Variants in FMNL3 observed in about 807,000 individuals in gnomAD.
FMNL3 encodes formin-like protein 3.
Under a neutral mutation model 119.6 loss-of-function variants are expected in FMNL3, and 57 were observed. That is an observed-to-expected ratio of 0.48 (90% CI 0.39 to 0.59). The LOEUF (loss-of-function observed/expected upper bound fraction) is 0.59. Ranked by LOEUF, FMNL3 falls within the 20% of genes least tolerant of loss-of-function variation. The pLI is 0.00. For missense variants in FMNL3, 1,053 were observed against 1,323.5 expected (o/e 0.80, Z 3.17); for synonymous variants, 491 against 507.3 (o/e 0.97, Z 0.43).
At chr12:49,674,170 C>A (rs953373066) in intron 1 of FMNL3, among the ~76,000 whole-genome samples, 17 of 152,242 alleles carry the variant, frequency 1.1e-4, no homozygotes, top group African/African-American at 3.6e-4. Flanking sequence ...CCATCCTCCT[C>A]TCCAGAGCTC....
At chr12:49,697,994 C>G (rs1479777676) in intron 1 of FMNL3, among the ~76,000 whole-genome samples, 1 of 152,138 alleles carries the variant, frequency 6.6e-6, no homozygotes, top group Non-Finnish European at 1.5e-5. Context: ...TTGACTGGCT[C>G]CCCAGCTTCT....
At position 49,644,328 on chromosome 12, in the gene FMNL3, T is replaced by C. The variant is rs1480692707; in HGVS notation, c.*1487A>G. The C allele has an allele frequency of 3.1e-6, 3 of 972,770 alleles. No individual in the cohort carries two copies. The highest frequency in any genetic ancestry group is 4.7e-6 in the Non-Finnish European group (3 of 638,170). 60.3% of individuals were successfully genotyped at this position (972,770 alleles called of 1,614,324 possible). ...AAGTAACCCCACCCCCAGCACACCATTGTTGGCACCTCTCAAGGTTGCTCT... is the reference window on the plus strand; with the variant it reads ...AAGTAACCCCACCCCCAGCACACCACTGTTGGCACCTCTCAAGGTTGCTCT... On this transcript the variant is annotated 3_prime_UTR_variant, in exon 26 of 26. Coordinates refer to ENST00000335154, the MANE Select transcript of FMNL3 (RefSeq NM_175736.5).
chr12:49,663,865 G>A (rs1485592126), intron 4 of FMNL3, among the ~76,000 whole-genome samples: 2 of 152,206 alleles, frequency 1.3e-5, no homozygotes, highest in African/African-American at 4.8e-5. Flanking sequence ...GGTACTAGTG[G>A]CTCCACTTTG....
At chr12:49,705,677 T>C (rs1468823322) in intron 1 of FMNL3, among the ~76,000 whole-genome samples, 3 of 152,156 alleles carry the variant, frequency 2.0e-5, no homozygotes, top group Non-Finnish European at 4.4e-5. Flanking sequence ...TGGTAATCAC[T>C]GACTCACCCG....
chr12:49,646,773 C>T (rs747812115), intron 25 of FMNL3, 113 bp downstream of exon 25: 1 of 1,604,170 alleles, frequency 6.2e-7, no homozygotes, highest in Non-Finnish European at 8.5e-7. Flanking sequence ...AGGAGAGAGA[C>T]ACAGTGGTCA....
At chr12:49,701,868 A>T (rs1266343650) in intron 1 of FMNL3, among the ~76,000 whole-genome samples, 1 of 152,238 alleles carries the variant, frequency 6.6e-6, no homozygotes, top group African/African-American at 2.4e-5. Context: ...GGTTGCAGTG[A>T]GCAGAGATTG....
At chr12:49,674,974 A>G (rs942164027) in intron 1 of FMNL3, among the ~76,000 whole-genome samples, 7 of 152,220 alleles carry the variant, frequency 4.6e-5, no homozygotes, top group African/African-American at 1.7e-4. Flanking sequence ...GGCTTTTTCT[A>G]AATACAATTA....
At chr12:49,662,071 T>C in intron 4 of FMNL3, 22 bp from the exon 5 acceptor site, 3 of 1,612,840 alleles carry the variant, frequency 1.9e-6, no homozygotes, top group Middle Eastern at 1.7e-4. Context: ...GGAAACACAG[T>C]GGAAGGGGTC....
Position 49,643,330 on chromosome 12 carries a change from T to C in FMNL3, c.*2485A>G, listed in dbSNP as rs757816284. ...GCTCTGAGCCCTCTTCCTCACTTGA[T>C]TCAGTTGAAAGTGGGGGTGCTGCCC... On this transcript the variant is annotated 3_prime_UTR_variant, in exon 26 of 26. Transcript: ENST00000335154. The C allele has an allele frequency of 1.9e-6, 3 of 1,607,674 alleles. No homozygotes were observed. In the African/African-American group the frequency reaches 4.0e-5, roughly 22 times the overall value.
In FMNL3 at chr12:49,647,586, C is replaced by G; in HGVS notation, c.2778+117G>C. On this transcript the variant is annotated intron_variant, in intron 23 of 25. Coordinates refer to ENST00000335154, the MANE Select transcript of FMNL3 (RefSeq NM_175736.5). The surrounding 1 kb of genome is among the most constrained non-coding windows in gnomAD (Gnocchi z 4.9). ...AGAGGCCTGTCACCAGCTTGCATCGCTCCCTTCCCAGGACTCGGAGGAGGA... is the reference window on the plus strand; with the variant it reads ...AGAGGCCTGTCACCAGCTTGCATCGGTCCCTTCCCAGGACTCGGAGGAGGA... 1 of 1,019,212 alleles carries G rather than the reference C, an allele frequency of 9.8e-7. No individual in the cohort carries two copies. The allele number at this position is 1,019,212 out of a possible 1,614,324, so 63.1% of individuals were successfully genotyped here.
In FMNL3 at chr12:49,643,716, A is replaced by T. The variant is rs759765213; in HGVS notation, c.*2099T>A. 17 of 1,614,176 alleles carry T rather than the reference A, an allele frequency of 1.1e-5. No individual in the cohort carries two copies. Among genetic ancestry groups the T allele is most frequent in the Non-Finnish European group, 1.4e-5 (17 of 1,180,022 alleles). On this transcript the variant is annotated 3_prime_UTR_variant, in exon 26 of 26. Transcript: ENST00000335154. Reference sequence around the variant, plus strand: ...ATCATGGCCTTCGGAAAGCCAAGAAACCAAAAAAGAAAACTAAGAAGAGAA... The same window carrying T: ...ATCATGGCCTTCGGAAAGCCAAGAATCCAAAAAAGAAAACTAAGAAGAGAA...
chr12:49,700,805 C>G (rs1017080804), intron 1 of FMNL3, among the ~76,000 whole-genome samples: 4 of 150,166 alleles, frequency 2.7e-5, no homozygotes, highest in African/African-American at 9.8e-5. Flanking sequence ...CTGGGCCGGG[C>G]GCAGTGGCTC....
chr12:49,652,450 C>T (rs2138747337), intron 13 of FMNL3, among the ~76,000 whole-genome samples: 1 of 152,270 alleles, frequency 6.6e-6, no homozygotes, highest in African/African-American at 2.4e-5. Flanking sequence ...CTGCTCCAGC[C>T]AATTCTCACT....
intron 4 of FMNL3, among the ~76,000 whole-genome samples, chr12:49,663,458 T>G (rs1943797409): frequency 6.6e-6 from 1 of 152,172 alleles, no homozygotes; most frequent in South Asian, 2.1e-4. Context: ...TCTCCCCACC[T>G]TGCCCTGGGT....
Position 49,658,424 on chromosome 12 carries a change from G to T in FMNL3, c.605+18C>A. 6.3e-7 allele frequency: 1 copy of T among 1,577,236 alleles called. No homozygotes were observed. The stretch of plus-strand genomic sequence containing the variant: ...GGGTAGGGTGGGAGGCAGGTGGGCA[G>T]AGCAAAAGCACACATACCGGAGCAC... On this transcript the variant is annotated intron_variant, in intron 6 of 25. Coordinates refer to ENST00000335154, the MANE Select transcript of FMNL3 (RefSeq NM_175736.5).
chr12:49,690,905 C>T (rs971625483), intron 1 of FMNL3, among the ~76,000 whole-genome samples: 3 of 152,190 alleles, frequency 2.0e-5, no homozygotes, highest in Admixed American at 6.5e-5. Context: ...ATTAGCCAGG[C>T]GTGGTGGTGC....
In FMNL3 at chr12:49,653,407, G is replaced by A. The variant is rs558410376; in HGVS notation, c.1222-80C>T. On this transcript the variant is annotated intron_variant, in intron 12 of 25. Transcript: ENST00000335154. Reference sequence around the variant, plus strand: ...ACAGCCTGAACCCTAGTCAAGACCTGAGTCGGACCCCTCAACACAAGGCCA... The same window carrying A: ...ACAGCCTGAACCCTAGTCAAGACCTAAGTCGGACCCCTCAACACAAGGCCA... 4 of 1,420,278 alleles carry A rather than the reference G, an allele frequency of 2.8e-6. No individual in the cohort carries two copies. In the Admixed American group the frequency reaches 5.1e-5, roughly 18 times the overall value. The allele number at this position is 1,420,278 out of a possible 1,614,324, so 88.0% of individuals were successfully genotyped here. A position where few individuals can be genotyped will look rare whatever the true frequency, so the allele number is the denominator to read the frequency against.
In FMNL3 at chr12:49,647,077, A is replaced by G; in HGVS notation, c.2872-68T>C. 6.2e-7 allele frequency: 1 copy of G among 1,607,006 alleles called. No homozygotes were observed. Among genetic ancestry groups the G allele is most frequent in the Non-Finnish European group, 8.5e-7 (1 of 1,175,270 alleles). On this transcript the variant is annotated intron_variant, in intron 24 of 25. Transcript: ENST00000335154. This position sits in a 1 kb window ranked among gnomAD's most constrained non-coding sequence, Gnocchi z 4.9. ...TAATGTGGGACTGGTTCCTGCCCCA[A>G]GGTGCAGTCTGAGGATGCCACTGCT...
rs960692340 is a variant in FMNL3, at chr12:49,640,208, C to G, written c.*5607G>C. ...CTGGACTTAGAACAGGCAGACAGAT[C>G]CGGGTCAGGGAGATCCATGGAGGAT... is the stretch of plus-strand genomic sequence containing the variant. On this transcript the variant is annotated 3_prime_UTR_variant, in exon 26 of 26. Transcript: ENST00000335154. 2 of 152,196 alleles carry G rather than the reference C, an allele frequency of 1.3e-5. No homozygotes were observed. Among genetic ancestry groups the G allele is most frequent in the African/African-American group, 4.8e-5 (2 of 41,426 alleles). 9.4% of individuals were successfully genotyped at this position (152,196 alleles called of 1,614,324 possible).
Sources: gnomAD v4.1 joint callset for allele counts (sites outside exome capture counted in the v4.1 genomes callset) on GRCh38, gnomAD v4.1.1 for gene constraint, Gnocchi (gnomAD v3.1) non-coding constraint, MANE v1.5 for transcripts, NCBI Gene and HGNC (gene_info 2026-07-23, HGNC 2026-07-21) for gene names.